Variants in COL4A3 observed in about 807,000 individuals in gnomAD.
COL4A3 encodes the protein collagen type IV alpha 3 chain.
A neutral mutation model predicts 217.4 loss-of-function variants in COL4A3; 135 were observed. The ratio of observed to expected loss-of-function variants is 0.62; its 90% CI spans 0.54 to 0.72. The LOEUF is 0.72. COL4A3 is among the 30% of genes least tolerant of loss of function. The pLI is 0.00. For missense variants in COL4A3, 1,868 were observed against 2,119.9 expected (o/e 0.88, Z 2.33); for synonymous variants, 690 against 736.3 (o/e 0.94, Z 1.02).
At chr2:227,266,731 T>A (rs2070916997) in intron 22 of COL4A3, among the ~76,000 whole-genome samples, 1 of 152,212 alleles carries the variant, frequency 6.6e-6, no homozygotes, top group South Asian at 2.1e-4. Context: ...TTTGCCTGCA[T>A]GCAAGGAAAG....
intron 25 of COL4A3, among the ~76,000 whole-genome samples, chr2:227,271,416 A>G (rs1227141825): frequency 6.6e-6 from 1 of 151,050 alleles, no homozygotes; most frequent in Non-Finnish European, 1.5e-5. Context: ...ATCCCTTTTC[A>G]TGAGAGAGTT....
chr2:227,300,672 G>C (rs2073242684), intron 43 of COL4A3, among the ~76,000 whole-genome samples: 1 of 152,144 alleles, frequency 6.6e-6, no homozygotes, highest in African/African-American at 2.4e-5. Flanking sequence ...CCTTGCCCTA[G>C]AGGAGCCCAC....
intron 5 of COL4A3, 37 bp downstream of exon 5, chr2:227,245,032 AAAGT>A (rs2125906977): frequency 1.3e-6 from 2 of 1,578,724 alleles, no homozygotes; most frequent in African/African-American, 1.3e-5. Flanking sequence ...AGAAAATTTA[AAAGT>A]AAGCTCATTT....
At position 227,312,321 on chromosome 2, in the gene COL4A3, G is replaced by A; in HGVS notation, c.*451G>A. On this transcript the variant is annotated 3_prime_UTR_variant, in exon 52 of 52. Coordinates refer to ENST00000396578, the MANE Select transcript of COL4A3 (RefSeq NM_000091.5). Reference sequence around the variant, plus strand: ...CAGACCCTGGGTAGGGGAAGAGAAGGGGGCATGTGGTATCCTGGAGCATTG... The same window carrying A: ...CAGACCCTGGGTAGGGGAAGAGAAGAGGGCATGTGGTATCCTGGAGCATTG... The A allele has an allele frequency of 8.4e-6, 2 of 238,284 alleles. 1 individual carries two copies. The highest frequency in any genetic ancestry group is 1.1e-4 in the South Asian group (2 of 18,388). The allele number at this position is 238,284 out of a possible 1,614,324, so 14.8% of individuals were successfully genotyped here.
intron 1 of COL4A3, among the ~76,000 whole-genome samples, chr2:227,209,701 G>A (rs2067241885): frequency 1.3e-5 from 2 of 152,168 alleles, no homozygotes; most frequent in Non-Finnish European, 1.5e-5. Flanking sequence ...AATTAGCTGG[G>A]TGTGGTGGTA....
chr2:227,248,761 T>C (rs1181208756), intron 9 of COL4A3, among the ~76,000 whole-genome samples: 1 of 152,206 alleles, frequency 6.6e-6, no homozygotes, highest in African/African-American at 2.4e-5. Flanking sequence ...GAGTATGTTT[T>C]TCGTCCTCTT....
intron 1 of COL4A3, among the ~76,000 whole-genome samples, chr2:227,196,901 A>T (rs1460231226): frequency 1.4e-5 from 2 of 143,646 alleles, no homozygotes; most frequent in Non-Finnish European, 1.6e-5. Flanking sequence ...CTCATCTTGA[A>T]TTGTGTAGCT....
chr2:227,167,490 G>A (rs1187724404), intron 1 of COL4A3, among the ~76,000 whole-genome samples: 1 of 152,230 alleles, frequency 6.6e-6, no homozygotes, highest in East Asian at 1.9e-4. Context: ...AGACCTGGGA[G>A]TGGAGGTATA....
Position 227,247,511 on chromosome 2 carries a change from G to C in COL4A3, c.442-47G>C, listed in dbSNP as rs779552693. 62 of 1,595,066 alleles carry C rather than the reference G, an allele frequency of 3.9e-5. No homozygotes were observed. In the South Asian group the frequency reaches 5.7e-4, roughly 15 times the overall value. On this transcript the variant is annotated intron_variant, in intron 7 of 51. Transcript: ENST00000396578. ...GGCAGAGCAGACCGAGTAGGAGTGTGTGCGTTTGATATTCCTCTAGTTGTT... is the reference window on the plus strand; with the variant it reads ...GGCAGAGCAGACCGAGTAGGAGTGTCTGCGTTTGATATTCCTCTAGTTGTT...
chr2:227,167,127 A>G lies in COL4A3; in HGVS notation c.87+2314A>G, dbSNP rs73996212. On this transcript the variant is annotated intron_variant, in intron 1 of 51. Coordinates refer to ENST00000396578, the MANE Select transcript of COL4A3 (RefSeq NM_000091.5). ...ACTTTACAAAAACATAGTGTGGGCC[A>G]AACAATGTATAAGTGAGAGCTAAAT... Among the ~76,000 whole-genome samples the G allele has an allele frequency of 4.0e-3, 608 of 152,364 alleles. 3 individuals carry two copies. Among genetic ancestry groups the G allele is most frequent in the African/African-American group, 0.014 (587 of 41,588 alleles).
At chr2:227,166,817 G>A (rs1403988368) in intron 1 of COL4A3, among the ~76,000 whole-genome samples, 1 of 152,206 alleles carries the variant, frequency 6.6e-6, no homozygotes, top group South Asian at 2.1e-4. Flanking sequence ...ATCGGGCAAT[G>A]TGCACCAACA....
In COL4A3 at chr2:227,253,584, C is replaced by T. The variant is rs977822540; in HGVS notation, c.711C>T (p.Pro237=). The T allele has an allele frequency of 1.9e-6, 3 of 1,614,028 alleles. No individual in the cohort carries two copies. Among genetic ancestry groups the T allele is most frequent in the South Asian group, 2.2e-5 (2 of 91,074 alleles). Reference sequence around the variant, plus strand: ...AGGGTGTGAAAGGGTTAACAGGACCCCCGGGACCACCAGGAACAGTTATTG... The same window carrying T: ...AGGGTGTGAAAGGGTTAACAGGACCTCCGGGACCACCAGGAACAGTTATTG... ...GERGVKGLTG[P]PGPPGTVIVT... is the part of the protein sequence containing the mutation. The change falls in exon 13 of 52, where the codon CCC becomes CCT. Residue 237 remains proline (P), a synonymous_variant. Coordinates refer to ENST00000396578, the MANE Select transcript of COL4A3 (RefSeq NM_000091.5). The surrounding 1 kb of genome is among the most constrained non-coding windows in gnomAD (Gnocchi z 4.4).
At chr2:227,223,839 A>G (rs1424930566) in intron 1 of COL4A3, among the ~76,000 whole-genome samples, 1 of 152,224 alleles carries the variant, frequency 6.6e-6, no homozygotes, top group Admixed American at 6.5e-5. Flanking sequence ...ATCCAGCCCC[A>G]ATCAAAGTAT....
rs35499269 is a variant in COL4A3 at position 227,238,176 on chromosome 2, T to TAA, written c.144+164_144+165dup. The TAA allele has an allele frequency of 9.2e-3, 3,724 of 406,548 alleles. 3 individuals are homozygous for TAA. The highest frequency in any genetic ancestry group is 0.031 in the South Asian group (996 of 31,722). The allele number at this position is 406,548 out of a possible 1,614,324, so 25.2% of individuals were successfully genotyped here. On this transcript the variant is annotated intron_variant, in intron 2 of 51. Transcript: ENST00000396578. ...AAGTAATTGTATATAAACATTAACC[T>TAA]AAAAAAAAAAAAAGAAAAAAGTCAT... is the stretch of plus-strand genomic sequence containing the variant.
chr2:227,265,395 G>C (rs1306227425), intron 21 of COL4A3: 1 of 152,206 alleles, frequency 6.6e-6, no homozygotes. Context: ...GGACAGCTAT[G>C]GTAGTGTTTT....
chr2:227,256,338 T>G lies in COL4A3; in HGVS notation c.934-5T>G, dbSNP rs376068797. ...TGACCCATTTCTTTTTGTTCTTTTCTTTAGGGAGTCAAGGGCAACAGGGGT... is the reference window on the plus strand; with the variant it reads ...TGACCCATTTCTTTTTGTTCTTTTCGTTAGGGAGTCAAGGGCAACAGGGGT... On this transcript the variant is annotated splice_region_variant and splice_polypyrimidine_tract_variant and intron_variant, in intron 16 of 51. Transcript: ENST00000396578. 2 of 1,613,564 alleles carry G rather than the reference T, an allele frequency of 1.2e-6. No individual in the cohort carries two copies. The highest frequency in any genetic ancestry group is 1.7e-4 in the Middle Eastern group (1 of 6,050).
chr2:227,166,785 G>A (rs2125624489), intron 1 of COL4A3, among the ~76,000 whole-genome samples: 1 of 152,274 alleles, frequency 6.6e-6, no homozygotes, highest in East Asian at 1.9e-4. Flanking sequence ...TGTAGAAAAA[G>A]GAATCACAAC....
chr2:227,304,528 A>T (rs925763378), intron 46 of COL4A3, among the ~76,000 whole-genome samples: 11 of 152,232 alleles, frequency 7.2e-5, no homozygotes, highest in Admixed American at 7.2e-4. Context: ...ACAGCAAAGT[A>T]TTAGGAAAAA....
At chr2:227,246,984 CAGAGA>C (rs2069389237) in intron 7 of COL4A3, 1 of 636,766 alleles carries the variant, frequency 1.6e-6, no homozygotes, top group African/African-American at 1.8e-5. Context: ...TGGATTCACT[CAGAGA>C]AGAGGTTCCA....
Sources: gnomAD v4.1 joint callset for allele counts (sites outside exome capture counted in the v4.1 genomes callset) on GRCh38, gnomAD v4.1.1 for gene constraint, Gnocchi (gnomAD v3.1) non-coding constraint, MANE v1.5 for transcripts, NCBI Gene and HGNC (gene_info 2026-07-23, HGNC 2026-07-21) for gene names.